Variants in EXOC6B observed in about 807,000 individuals in gnomAD.
EXOC6B encodes the protein SEC15 homolog B.
EXOC6B carries 54 observed loss-of-function variants against 113.5 expected under a neutral mutation model. That is an observed-to-expected ratio of 0.48 (90% CI 0.38 to 0.60). EXOC6B has a LOEUF of 0.60. Ranked by LOEUF, EXOC6B falls within the 20% of genes least tolerant of loss-of-function variation. The pLI is 0.00. For synonymous variants in EXOC6B, 357 were observed against 339.0 expected, an observed-to-expected ratio of 1.05 and a Z score of -0.58; for missense variants, 797 against 977.5, an observed-to-expected ratio of 0.82 and a Z score of 2.46.
intron 1 of EXOC6B, among the ~76,000 whole-genome samples, chr2:72,790,849 T>C (rs1684633059): frequency 6.6e-6 from 1 of 152,050 alleles, no homozygotes; most frequent in East Asian, 1.9e-4. Context: ...TGAAAATAAA[T>C]TTGATACCAC....
At chr2:72,390,009 T>G (rs1692270894) in intron 18 of EXOC6B, among the ~76,000 whole-genome samples, 1 of 152,048 alleles carries the variant, frequency 6.6e-6, no homozygotes, top group African/African-American at 2.4e-5. Flanking sequence ...TGCTTGAACC[T>G]GGGAGGTGGA....
intron 20 of EXOC6B, among the ~76,000 whole-genome samples, chr2:72,230,194 C>T (rs548670534): frequency 5.4e-4 from 82 of 152,242 alleles, no homozygotes; most frequent in Non-Finnish European, 1.0e-3. Flanking sequence ...AATTTAACTC[C>T]GCGTGTCCCA....
intron 6 of EXOC6B, among the ~76,000 whole-genome samples, chr2:72,630,915 C>T (rs1365527419): frequency 3.3e-5 from 5 of 152,102 alleles, no homozygotes; most frequent in South Asian, 2.1e-4. Context: ...TGTAGTGACA[C>T]GGTAGTCAAC....
intron 16 of EXOC6B, among the ~76,000 whole-genome samples, chr2:72,481,259 C>T (rs1699073839): frequency 6.6e-6 from 1 of 152,184 alleles, no homozygotes. Flanking sequence ...ATTACCCAGC[C>T]TCGGGCAGTT....
At chr2:72,283,324 T>C (rs1685242213) in intron 20 of EXOC6B, among the ~76,000 whole-genome samples, 1 of 152,066 alleles carries the variant, frequency 6.6e-6, no homozygotes, top group African/African-American at 2.4e-5. Flanking sequence ...AAGTAAAAGC[T>C]GAACAAACTG....
At chr2:72,208,157 G>GT (rs1273038207) in intron 20 of EXOC6B, among the ~76,000 whole-genome samples, 2 of 152,064 alleles carry the variant, frequency 1.3e-5, no homozygotes, top group South Asian at 2.1e-4. Flanking sequence ...ACACAATGCT[G>GT]AGGTTTGGGG....
intron 20 of EXOC6B, among the ~76,000 whole-genome samples, chr2:72,303,673 T>G (rs1054490165): frequency 2.6e-5 from 4 of 152,216 alleles, no homozygotes; most frequent in African/African-American, 9.6e-5. Context: ...ATATTCTGAA[T>G]TCTATTTCTG....
intron 20 of EXOC6B, among the ~76,000 whole-genome samples, chr2:72,250,584 T>A (rs1682950977): frequency 6.6e-6 from 1 of 151,626 alleles, no homozygotes; most frequent in Non-Finnish European, 1.5e-5. Flanking sequence ...GCTCAAGCGA[T>A]CTTCCCACCT....
intron 6 of EXOC6B, among the ~76,000 whole-genome samples, chr2:72,678,353 C>T (rs1445659764): frequency 6.6e-6 from 1 of 152,136 alleles, no homozygotes; most frequent in East Asian, 1.9e-4. Flanking sequence ...GATTTCACTG[C>T]CCAGTAGTGA....
At chr2:72,240,529 G>T (rs1682247971) in intron 20 of EXOC6B, among the ~76,000 whole-genome samples, 1 of 152,126 alleles carries the variant, frequency 6.6e-6, no homozygotes, top group Non-Finnish European at 1.5e-5. Flanking sequence ...TATTCCAAAT[G>T]ACTTTTACTC....
At chr2:72,584,755 G>A (rs1020625072) in intron 6 of EXOC6B, among the ~76,000 whole-genome samples, 3 of 152,090 alleles carry the variant, frequency 2.0e-5, no homozygotes, top group Admixed American at 6.5e-5. Flanking sequence ...CACATTGTTG[G>A]CCATAAGGAA....
At chr2:72,587,972 C>G (rs777809500) in intron 6 of EXOC6B, among the ~76,000 whole-genome samples, 1 of 151,978 alleles carries the variant, frequency 6.6e-6, no homozygotes, top group Non-Finnish European at 1.5e-5. Flanking sequence ...CAAGTTAAAA[C>G]CACAAGGAGA....
intron 6 of EXOC6B, among the ~76,000 whole-genome samples, chr2:72,693,217 TA>T (rs1677625314): frequency 6.6e-6 from 1 of 151,048 alleles, no homozygotes; most frequent in Admixed American, 6.6e-5. Flanking sequence ...AGAAAACACT[TA>T]AAAGCAAAAC....
At chr2:72,242,373 G>A (rs1682371829) in intron 20 of EXOC6B, among the ~76,000 whole-genome samples, 1 of 152,100 alleles carries the variant, frequency 6.6e-6, no homozygotes, top group South Asian at 2.1e-4. Flanking sequence ...GGAAGAATTG[G>A]AAAAACTCTG....
intron 11 of EXOC6B, among the ~76,000 whole-genome samples, chr2:72,502,969 C>G (rs995247161): frequency 6.6e-6 from 1 of 152,138 alleles, no homozygotes; most frequent in African/African-American, 2.4e-5. Flanking sequence ...TATTTAATCT[C>G]TGAATTAAAT....
chr2:72,367,809 C>A (rs1293939287), intron 19 of EXOC6B, among the ~76,000 whole-genome samples: 1 of 152,114 alleles, frequency 6.6e-6, no homozygotes, highest in Non-Finnish European at 1.5e-5. Context: ...ATTGTGCTGG[C>A]TGGGCTCACT....
intron 20 of EXOC6B, among the ~76,000 whole-genome samples, chr2:72,305,322 GTGTATATGTATATGTATATGTATA>G (rs3036342): frequency 3.1e-4 from 45 of 144,616 alleles, no homozygotes; most frequent in African/African-American, 9.1e-4. Context: ...ATATGGGTGT[GTGTATATGTATATGTATATGTATA>G]TGTATATGTA....
At chr2:72,343,604 T>C (rs987924556) in intron 19 of EXOC6B, among the ~76,000 whole-genome samples, 4 of 152,214 alleles carry the variant, frequency 2.6e-5, no homozygotes, top group Admixed American at 2.0e-4. Context: ...AGGGCAGGTC[T>C]GGTAGGAAAG....
At chr2:72,555,565 T>G (rs1703490774) in intron 8 of EXOC6B, among the ~76,000 whole-genome samples, 1 of 152,214 alleles carries the variant, frequency 6.6e-6, no homozygotes, top group Non-Finnish European at 1.5e-5. Flanking sequence ...TTTTCAGAAG[T>G]GTCTGTTCAT....
Sources: gnomAD v4.1 joint callset for allele counts (sites outside exome capture counted in the v4.1 genomes callset) on GRCh38, gnomAD v4.1.1 for gene constraint, MANE v1.5 for transcripts, NCBI Gene and HGNC (gene_info 2026-07-23, HGNC 2026-07-21) for gene names.